SYNE3: variants seen among roughly 807,000 people sequenced by gnomAD.
SYNE3 encodes nesprin-3.
In SYNE3, 100 loss-of-function variants were observed where a neutral mutation model predicts 111.2. The ratio of observed to expected loss-of-function variants is 0.90; its 90% CI spans 0.77 to 1.06. The LOEUF (loss-of-function observed/expected upper bound fraction) is 1.06, where lower values mean the gene tolerates loss of function less well. SYNE3 is among the 50% of genes least tolerant of loss of function. The pLI is 0.00. For missense variants in SYNE3, 1,160 were observed against 1,240.3 expected, an observed-to-expected ratio of 0.94 and a Z score of 0.97; for synonymous variants, 547 against 533.9, an observed-to-expected ratio of 1.02 and a Z score of -0.34.
Position 95,410,920 on chromosome 14 carries a change from G to A in SYNE3, c.*6906C>T, listed in dbSNP as rs1903418168. ...TAAGGAACTGGACCAATGTCACACA[G>A]CCCATCAGCAGCAGAGTTCCAACTC... On this transcript the variant is annotated 3_prime_UTR_variant, in exon 18 of 18. Transcript: ENST00000682763. The A allele has an allele frequency of 6.6e-6, 1 of 152,340 alleles. No individual in the cohort carries two copies. Among genetic ancestry groups the A allele is most frequent in the African/African-American group, 2.4e-5 (1 of 41,448 alleles). 9.4% of individuals were successfully genotyped at this position (152,340 alleles called of 1,614,324 possible).
At chr14:95,462,434 C>T (rs915676590) in intron 4 of SYNE3, among the ~76,000 whole-genome samples, 2 of 152,228 alleles carry the variant, frequency 1.3e-5, no homozygotes, top group African/African-American at 4.8e-5. Context: ...GGTCCAGCCA[C>T]CCCACAAACA....
chr14:95,475,684 C>G lies in SYNE3; in HGVS notation c.138G>C (p.Glu46Asp). The G allele has an allele frequency of 6.4e-7, 1 of 1,559,616 alleles. No individual in the cohort carries two copies. The highest frequency in any genetic ancestry group is 1.4e-5 in the African/African-American group (1 of 73,352). Reference protein sequence around the residue: ...PRAALEARLWETEKICQLEPE... With the variant: ...PRAALEARLWDTEKICQLEPE... ...AGGCCACGCCTCTGCATACCTCGGTCTCCCACAGCCTGGCCTCCAGGGCCG... is the reference window on the plus strand; with the variant it reads ...AGGCCACGCCTCTGCATACCTCGGTGTCCCACAGCCTGGCCTCCAGGGCCG... The change falls in exon 2 of 18, where the codon GAG (glutamate) becomes GAC (aspartate). Residue 46 changes from glutamate to aspartate, a missense_variant. Coordinates refer to ENST00000682763, the MANE Select transcript of SYNE3 (RefSeq NM_152592.6).
At chr14:95,446,952 G>A (rs551620785) in intron 8 of SYNE3, among the ~76,000 whole-genome samples, 1 of 152,282 alleles carries the variant, frequency 6.6e-6, no homozygotes, top group African/African-American at 2.4e-5. Context: ...CTAATCGAGA[G>A]TCTGGGGTTC....
chr14:95,444,385 G>A (rs1257841718), intron 10 of SYNE3, 100 bp downstream of exon 10: 28 of 1,456,978 alleles, frequency 1.9e-5, no homozygotes, highest in Middle Eastern at 2.6e-4. Flanking sequence ...TCTGGCTCAC[G>A]GCAGCTGTTG....
chr14:95,432,251 G>A (rs1192499851), intron 16 of SYNE3, 134 bp from the exon 17 acceptor site: 44 of 1,034,928 alleles, frequency 4.3e-5, no homozygotes, highest in Non-Finnish European at 5.4e-5. Context: ...CTGGTCATCT[G>A]GACAGCCTGA....
chr14:95,475,022 T>G (rs1392469181), intron 2 of SYNE3, among the ~76,000 whole-genome samples: 1 of 152,210 alleles, frequency 6.6e-6, no homozygotes, highest in Non-Finnish European at 1.5e-5. Context: ...CAATCTAGCA[T>G]CAGCAAGGAG....
Position 95,454,417 on chromosome 14 carries a change from C to A in SYNE3, c.1137+960G>T, listed in dbSNP as rs114126982. Among the ~76,000 whole-genome samples the A allele has an allele frequency of 2.3e-3, 355 of 152,344 alleles. 3 individuals are homozygous for A. The highest frequency in any genetic ancestry group is 8.2e-3 in the African/African-American group (339 of 41,570). On this transcript the variant is annotated intron_variant, in intron 6 of 17. Coordinates refer to ENST00000682763, the MANE Select transcript of SYNE3 (RefSeq NM_152592.6). Reference sequence around the variant, plus strand: ...ACATAACAGAGGTTAAAGTAATTTTCCGAAAGCCACTCAGTTAGCAAGGGG... The same window carrying A: ...ACATAACAGAGGTTAAAGTAATTTTACGAAAGCCACTCAGTTAGCAAGGGG...
intron 4 of SYNE3, among the ~76,000 whole-genome samples, chr14:95,459,736 G>T (rs1223429034): frequency 6.6e-6 from 1 of 152,146 alleles, no homozygotes; most frequent in Admixed American, 6.5e-5. Context: ...GCAAGTAGGA[G>T]AAAACATCCC....
At position 95,478,113 on chromosome 14, in the gene SYNE3, T is replaced by G. The variant is rs186182206; in HGVS notation, c.-14-2278A>C. 4.1e-4 allele frequency among the ~76,000 whole-genome samples: 63 copies of G among 152,244 alleles called. 1 individual carries two copies. The Middle Eastern group carries it at 0.017, about 41-fold the overall frequency. ...ATGAAACCCAGGGACCCGGTGGGGT[T>G]GAGCAGGCGGGGATGCTCAGACCAA... On this transcript the variant is annotated intron_variant, in intron 1 of 17. Coordinates refer to ENST00000682763, the MANE Select transcript of SYNE3 (RefSeq NM_152592.6).
In SYNE3 at chr14:95,485,539, C is replaced by G. The variant is rs998255439; in HGVS notation, c.-14-9704G>C. Among the ~76,000 whole-genome samples, 5 of 152,078 alleles carry G rather than the reference C, an allele frequency of 3.3e-5. No homozygotes were observed. On this transcript the variant is annotated intron_variant, in intron 1 of 17. Coordinates refer to ENST00000682763, the MANE Select transcript of SYNE3 (RefSeq NM_152592.6). This position sits in a 1 kb window ranked among gnomAD's most constrained non-coding sequence, Gnocchi z 4.3. ...TACAGGTGCTAGGAGCTCTGCAACC[C>G]CACCTTCTGATGGCCACCCCTGCCC... is the stretch of plus-strand genomic sequence containing the variant.
chr14:95,503,002 CT>C (rs1384818604), intron 1 of SYNE3, among the ~76,000 whole-genome samples: 2 of 152,202 alleles, frequency 1.3e-5, no homozygotes, highest in Non-Finnish European at 2.9e-5. Flanking sequence ...CAATGCTGGT[CT>C]CCCCAAGAAT....
At chr14:95,432,859 C>T (rs56232386) in intron 16 of SYNE3, among the ~76,000 whole-genome samples, 1,891 of 152,130 alleles carry the variant, frequency 0.012, 40 homozygotes, top group African/African-American at 0.043. Context: ...ACCACCCACG[C>T]GGCCTCGGGC....
chr14:95,473,692 CTGGTGTGAGCTTG>C (rs1888681348), intron 2 of SYNE3, among the ~76,000 whole-genome samples: 2 of 147,536 alleles, frequency 1.4e-5, no homozygotes, highest in Admixed American at 6.7e-5. Context: ...GGAGCTAAGG[CTGGTGTGAGCTTG>C]CGAGGTGTGA....
chr14:95,434,077 G>A (rs1885947425), intron 15 of SYNE3, among the ~76,000 whole-genome samples: 1 of 152,124 alleles, frequency 6.6e-6, no homozygotes, highest in East Asian at 1.9e-4. Context: ...TTGGGTGGTG[G>A]TGCGGTGGGG....
At chr14:95,499,854 G>GTTTTTTTTTTTTTTTTTT (rs1890259277) in intron 1 of SYNE3, among the ~76,000 whole-genome samples, 1 of 53,758 alleles carries the variant, frequency 1.9e-5, no homozygotes, top group African/African-American at 9.6e-5. Flanking sequence ...ACTAACTCTT[G>GTTTTTTTTTTTTTTTTTT]TCTTTTTTTT....
At chr14:95,419,998 A>C (rs1219526624) in intron 17 of SYNE3, among the ~76,000 whole-genome samples, 1 of 28,146 alleles carries the variant, frequency 3.6e-5, no homozygotes, top group Non-Finnish European at 7.8e-5. Flanking sequence ...CTGTCTCTCT[A>C]CCTCTCCTCT....
chr14:95,472,216 A>G (rs138609516), intron 2 of SYNE3, among the ~76,000 whole-genome samples: 42 of 152,332 alleles, frequency 2.8e-4, no homozygotes, highest in African/African-American at 9.9e-4. Context: ...TGCATTGGGA[A>G]TCCAAGCCTT....
At chr14:95,452,838 C>T (rs1337598958) in intron 6 of SYNE3, among the ~76,000 whole-genome samples, 3 of 152,144 alleles carry the variant, frequency 2.0e-5, no homozygotes, top group East Asian at 1.9e-4. Flanking sequence ...GATGGTGGAC[C>T]GGACATCAGA....
intron 17 of SYNE3, among the ~76,000 whole-genome samples, chr14:95,423,646 T>G (rs1595173574): frequency 1.7e-5 from 1 of 59,052 alleles, no homozygotes; most frequent in Admixed American, 1.7e-4. Flanking sequence ...GGATGGGGTT[T>G]TGATGGGGAT....
Sources: allele counts gnomAD v4.1 joint callset (sites outside exome capture counted in the v4.1 genomes callset), GRCh38; gene constraint gnomAD v4.1.1; non-coding constraint Gnocchi (gnomAD v3.1); transcripts MANE v1.5; gene names NCBI Gene and HGNC (gene_info 2026-07-23, HGNC 2026-07-21).